The following RAB11FIP3 variants were observed in gnomAD, a reference collection of about 807,000 sequenced individuals.
RAB11FIP3 encodes the protein rab11 family-interacting protein 3.
In RAB11FIP3, 17 loss-of-function variants were observed where a neutral mutation model predicts 77.8. The observed-to-expected ratio is 0.22, with a 90% CI of 0.15 to 0.33. The LOEUF is 0.33. Ranked by LOEUF, RAB11FIP3 falls within the 10% of genes least tolerant of loss-of-function variation. RAB11FIP3 has a pLI of 1.00. For missense variants in RAB11FIP3, 1,005 were observed against 1,011.2 expected (o/e 0.99, Z 0.08); for synonymous variants, 437 against 448.2 (o/e 0.98, Z 0.31).
At chr16:496,549 G>A (rs1408348598) in intron 5 of RAB11FIP3, among the ~76,000 whole-genome samples, 5 of 152,218 alleles carry the variant, frequency 3.3e-5, no homozygotes, top group East Asian at 3.8e-4. Context: ...CAGGTGTGGC[G>A]CTGGCCTCTC....
At chr16:485,890 C>T (rs1487048307) in intron 4 of RAB11FIP3, among the ~76,000 whole-genome samples, 3 of 152,078 alleles carry the variant, frequency 2.0e-5, no homozygotes, top group Non-Finnish European at 1.5e-5. Flanking sequence ...GTGATCGCTA[C>T]ATAATTTTTT....
intron 6 of RAB11FIP3, among the ~76,000 whole-genome samples, chr16:502,122 A>G (rs765515858): frequency 9.9e-5 from 15 of 152,258 alleles, no homozygotes; most frequent in Non-Finnish European, 1.8e-4. Flanking sequence ...AGAACTGAAC[A>G]CGCACCTTTG....
Position 426,151 on chromosome 16 carries a change from G to A in RAB11FIP3, c.145G>A (p.Asp49Asn). 2 of 1,013,526 alleles carry A rather than the reference G, an allele frequency of 2.0e-6. No homozygotes were observed. Among genetic ancestry groups the A allele is most frequent in the Middle Eastern group, 4.8e-4 (1 of 2,066 alleles). 62.8% of individuals were successfully genotyped at this position (1,013,526 alleles called of 1,614,324 possible). Reference sequence around the variant, plus strand: ...CCTCGGAGCGCCCGTCGGCGGCCCCGACCCGCAGTCCCCGGGCCTGGATGA... The same window carrying A: ...CCTCGGAGCGCCCGTCGGCGGCCCCAACCCGCAGTCCCCGGGCCTGGATGA... Reference protein sequence around the residue: ...LRLGAPVGGPDPQSPGLDEPA... With the variant: ...LRLGAPVGGPNPQSPGLDEPA... The change falls in exon 1 of 14, where the codon GAC (aspartate) becomes AAC (asparagine). Residue 49 changes from aspartate (D) to asparagine (N), a missense_variant. Transcript: ENST00000262305. This position sits in a 1 kb window ranked among gnomAD's most constrained non-coding sequence, Gnocchi z 5.0.
intron 6 of RAB11FIP3, among the ~76,000 whole-genome samples, chr16:499,161 G>A (rs111519805): frequency 0.055 from 8,331 of 152,188 alleles, 323 homozygotes; most frequent in African/African-American, 0.11. Flanking sequence ...GGAGTGAGCC[G>A]AGATTGTGCC....
At chr16:520,356 G>A (rs996121189) in intron 12 of RAB11FIP3, 79 bp downstream of exon 12, 41 of 1,579,782 alleles carry the variant, frequency 2.6e-5, no homozygotes, top group Non-Finnish European at 3.4e-5. Context: ...GGGCCGTGGA[G>A]GGTCAGCATC....
chr16:490,403 A>G (rs1596266946), intron 5 of RAB11FIP3, among the ~76,000 whole-genome samples: 1 of 152,124 alleles, frequency 6.6e-6, no homozygotes. Context: ...ATCTCACTTT[A>G]TTGCCCAGGC....
At chr16:466,045 G>A (rs765762209) in intron 2 of RAB11FIP3, among the ~76,000 whole-genome samples, 1 of 152,108 alleles carries the variant, frequency 6.6e-6, no homozygotes, top group South Asian at 2.1e-4. Context: ...CCATTTCCTC[G>A]GTGCCACAAA....
At chr16:429,808 AT>A (rs2055007842) in intron 1 of RAB11FIP3, among the ~76,000 whole-genome samples, 1 of 152,124 alleles carries the variant, frequency 6.6e-6, no homozygotes, top group Non-Finnish European at 1.5e-5. Context: ...AAGTATCTTA[AT>A]TTTTATCAAA....
At chr16:460,376 C>T (rs370295354) in intron 1 of RAB11FIP3, among the ~76,000 whole-genome samples, 1 of 152,034 alleles carries the variant, frequency 6.6e-6, no homozygotes, top group Non-Finnish European at 1.5e-5. Context: ...GTTACATAGG[C>T]AAACGTGTGC....
intron 11 of RAB11FIP3, 108 bp from the exon 12 acceptor site, chr16:520,014 C>T (rs1183428979): frequency 1.3e-6 from 2 of 1,521,744 alleles, no homozygotes; most frequent in Non-Finnish European, 1.8e-6. Flanking sequence ...TGTGTGTCGT[C>T]CTCCCGAGAG....
intron 4 of RAB11FIP3, 150 bp downstream of exon 4, chr16:482,886 C>T: frequency 1.2e-6 from 1 of 841,504 alleles, no homozygotes; most frequent in African/African-American, 1.7e-5. Context: ...TAGCTCCTGA[C>T]CTTCCTGGGA....
intron 6 of RAB11FIP3, chr16:497,183 G>T: frequency 9.9e-7 from 1 of 1,010,260 alleles, no homozygotes; most frequent in South Asian, 1.4e-5. Context: ...GCGAGACCCA[G>T]TGAGGAGCCT....
At chr16:497,846 C>G (rs957382981) in intron 6 of RAB11FIP3, among the ~76,000 whole-genome samples, 1 of 149,862 alleles carries the variant, frequency 6.7e-6, no homozygotes, top group Admixed American at 6.8e-5. Flanking sequence ...CATTGCTTAT[C>G]TTCTAGAGCT....
chr16:430,509 C>T (rs1389918443), intron 1 of RAB11FIP3, among the ~76,000 whole-genome samples: 2 of 152,040 alleles, frequency 1.3e-5, no homozygotes, highest in African/African-American at 2.4e-5. Flanking sequence ...ATTCCTGCAC[C>T]GCTAATGGTG....
chr16:462,284 C>T (rs1330774159), intron 2 of RAB11FIP3, among the ~76,000 whole-genome samples: 10 of 152,198 alleles, frequency 6.6e-5, no homozygotes, highest in Non-Finnish European at 2.9e-5. Context: ...TGCAATGGCC[C>T]GATCTCGGCT....
In RAB11FIP3 at chr16:510,843, C is replaced by G. The variant is rs2032110939; in HGVS notation, c.1640+43C>G. The G allele has an allele frequency of 2.5e-6, 4 of 1,602,392 alleles. No individual in the cohort carries two copies. The African/African-American group carries it at 4.0e-5, about 16-fold the overall frequency. ...GCCCATCCACCCCAGAACCTGCAGGCCAGGTAGGAGACGGTCCCCAACAGC... is the reference window on the plus strand; with the variant it reads ...GCCCATCCACCCCAGAACCTGCAGGGCAGGTAGGAGACGGTCCCCAACAGC... On this transcript the variant is annotated intron_variant, in intron 9 of 13. Transcript: ENST00000262305.
chr16:503,150 A>T, intron 7 of RAB11FIP3, 53 bp downstream of exon 7: 1 of 1,452,528 alleles, frequency 6.9e-7, no homozygotes, highest in Non-Finnish European at 9.6e-7. Flanking sequence ...GAACACAGCC[A>T]CGCCTAAGGG....
At chr16:478,981 TAGAAAA>T (rs2055978802) in intron 3 of RAB11FIP3, among the ~76,000 whole-genome samples, 2 of 151,550 alleles carry the variant, frequency 1.3e-5, no homozygotes, top group African/African-American at 2.4e-5. Flanking sequence ...CAAGAACAAT[TAGAAAA>T]AGAAAAAAAA....
At position 471,142 on chromosome 16, in the gene RAB11FIP3, C is replaced by T. The variant is rs2055800178; in HGVS notation, c.809-153C>T. Among the ~76,000 whole-genome samples, 1 of 152,116 alleles carries T rather than the reference C, an allele frequency of 6.6e-6. No homozygotes were observed. The highest frequency in any genetic ancestry group is 2.4e-5 in the African/African-American group (1 of 41,416). On this transcript the variant is annotated intron_variant, in intron 2 of 13. Coordinates refer to ENST00000262305, the MANE Select transcript of RAB11FIP3 (RefSeq NM_014700.4). The surrounding 1 kb of genome is among the most constrained non-coding windows in gnomAD (Gnocchi z 4.4). ...TTTCTCTCCCTGGATTTCTCATGCT[C>T]ACTCCCTTGCTTGTCTTGACCCCCC... is the stretch of plus-strand genomic sequence containing the variant.
Sources: gnomAD v4.1 joint callset for allele counts (sites outside exome capture counted in the v4.1 genomes callset) on GRCh38, gnomAD v4.1.1 for gene constraint, Gnocchi (gnomAD v3.1) non-coding constraint, MANE v1.5 for transcripts, NCBI Gene and HGNC (gene_info 2026-07-23, HGNC 2026-07-21) for gene names.